TENM3: variants seen among roughly 807,000 people sequenced by gnomAD.
TENM3 encodes the protein teneurin transmembrane protein 3.
Under a neutral mutation model 255.1 loss-of-function variants are expected in TENM3, and 63 were observed. The observed-to-expected ratio is 0.25, with a 90% CI of 0.20 to 0.30. TENM3 has a LOEUF of 0.30. Among genes scored for constraint, TENM3 ranks in the 10% least tolerant of loss-of-function variants. The pLI, the probability that TENM3 is intolerant of heterozygous loss-of-function variation, is 1.00. For synonymous variants in TENM3, 1,306 were observed against 1,322.3 expected (o/e 0.99, Z 0.27); for missense variants, 2,929 against 3,461.1 (o/e 0.85, Z 3.86).
chr4:181,811,481 A>C, the TENM3 span, among the ~76,000 whole-genome samples: 1 of 152,216 alleles, frequency 6.6e-6, no homozygotes, highest in Non-Finnish European at 1.5e-5. Flanking sequence ...AAAGTAAAGA[A>C]AATGCATTTT....
chr4:182,525,215 T>C lies in TENM3; in HGVS notation c.512-75709T>C, dbSNP rs536181457. Among the ~76,000 whole-genome samples the C allele has an allele frequency of 3.0e-4, 45 of 152,316 alleles. 1 individual carries two copies. In the South Asian group the frequency reaches 8.3e-3, roughly 28 times the overall value. Reference sequence around the variant, plus strand: ...ACGAATTTAGTAGTCAGGAAATTTATGAAAGAATTGCCCATAGGGCTGTTC... The same window carrying C: ...ACGAATTTAGTAGTCAGGAAATTTACGAAAGAATTGCCCATAGGGCTGTTC... On this transcript the variant is annotated intron_variant, in intron 3 of 27. Transcript: ENST00000511685.
the TENM3 span, among the ~76,000 whole-genome samples, chr4:181,702,049 C>T: frequency 2.6e-5 from 4 of 152,150 alleles, no homozygotes; most frequent in African/African-American, 9.7e-5. Context: ...TCAGTGGGCA[C>T]TATGCAAATG....
the TENM3 span, among the ~76,000 whole-genome samples, chr4:181,466,882 A>AT: frequency 6.6e-6 from 1 of 151,610 alleles, no homozygotes; most frequent in South Asian, 2.1e-4. Context: ...CAGTACTTCT[A>AT]TTTTATCTAA....
the TENM3 span, among the ~76,000 whole-genome samples, chr4:181,938,771 C>T: frequency 1.1e-4 from 17 of 152,136 alleles, no homozygotes; most frequent in Non-Finnish European, 2.2e-4. Flanking sequence ...CAGTGAAATG[C>T]CACTGTGGTC....
intron 3 of TENM3, among the ~76,000 whole-genome samples, chr4:182,553,847 C>A (rs956676248): frequency 6.6e-6 from 1 of 152,150 alleles, no homozygotes; most frequent in African/African-American, 2.4e-5. Context: ...TTTTTAAGCC[C>A]TTTCACTTCA....
At chr4:182,777,543 A>ATTTTT (rs1561238758) in intron 24 of TENM3, among the ~76,000 whole-genome samples, 6 of 34,898 alleles carry the variant, frequency 1.7e-4, no homozygotes, top group African/African-American at 3.9e-4. Flanking sequence ...GTGTGTGTGT[A>ATTTTT]TTTCTTTTTT....
At chr4:182,444,717 ATAT>A (rs2151277444) in intron 3 of TENM3, among the ~76,000 whole-genome samples, 1 of 152,256 alleles carries the variant, frequency 6.6e-6, no homozygotes, top group South Asian at 2.1e-4. Context: ...TTTAAATGGA[ATAT>A]TATGTTTCCA....
At chr4:182,585,359 C>T (rs1745910182) in intron 3 of TENM3, among the ~76,000 whole-genome samples, 1 of 152,090 alleles carries the variant, frequency 6.6e-6, no homozygotes, top group Non-Finnish European at 1.5e-5. Flanking sequence ...CCCCAAAATT[C>T]AAATGTTGAC....
chr4:182,135,204 C>CAAAAAAAAA, the TENM3 span, among the ~76,000 whole-genome samples: 1 of 81,568 alleles, frequency 1.2e-5, no homozygotes, highest in Non-Finnish European at 2.1e-5. Flanking sequence ...GACTCGGTCT[C>CAAAAAAAAA]AAAAAAAAAA....
chr4:182,420,205 T>A (rs1444113796), intron 3 of TENM3, among the ~76,000 whole-genome samples: 1 of 152,232 alleles, frequency 6.6e-6, no homozygotes, highest in East Asian at 1.9e-4. Flanking sequence ...CTAATTCTCA[T>A]GGATATACAT....
chr4:182,594,370 A>G (rs1746971318), intron 3 of TENM3, among the ~76,000 whole-genome samples: 1 of 152,010 alleles, frequency 6.6e-6, no homozygotes, highest in Admixed American at 6.6e-5. Context: ...TCTACAAAAA[A>G]TTTAAAAATT....
At chr4:181,612,659 CTTTT>C in the TENM3 span, among the ~76,000 whole-genome samples, 1 of 152,048 alleles carries the variant, frequency 6.6e-6, no homozygotes, top group African/African-American at 2.4e-5. Context: ...TTTTCCTTTT[CTTTT>C]TTTCTTTTTA....
the TENM3 span, among the ~76,000 whole-genome samples, chr4:181,850,439 T>G: frequency 6.6e-6 from 1 of 152,122 alleles, no homozygotes; most frequent in South Asian, 2.1e-4. Context: ...TTTAAAATAT[T>G]TTTAAATGGC....
chr4:182,240,450 C>G (rs2150061029), upstream of TENM3, among the ~76,000 whole-genome samples: 1 of 152,298 alleles, frequency 6.6e-6, no homozygotes, highest in South Asian at 2.1e-4. Context: ...TCACTTTGAT[C>G]CCAGTCCCCT....
At chr4:181,491,261 G>A in the TENM3 span, among the ~76,000 whole-genome samples, 1 of 151,758 alleles carries the variant, frequency 6.6e-6, no homozygotes, top group Non-Finnish European at 1.5e-5. Context: ...GTTGGTTTTA[G>A]GCTTCTTTTT....
the TENM3 span, among the ~76,000 whole-genome samples, chr4:181,842,871 A>G: frequency 6.6e-6 from 1 of 152,214 alleles, no homozygotes; most frequent in African/African-American, 2.4e-5. Flanking sequence ...CTGCAGGATG[A>G]TAATTCAGAA....
the TENM3 span, among the ~76,000 whole-genome samples, chr4:181,568,212 G>A: frequency 1.4e-5 from 2 of 147,334 alleles, no homozygotes; most frequent in African/African-American, 5.0e-5. Context: ...TGCCCAGGCT[G>A]GAGTGCAGTG....
At chr4:182,145,085 G>A (rs1749853142) in intron 1 of TENM3, 1 of 152,218 alleles carries the variant, frequency 6.6e-6, no homozygotes, top group Admixed American at 6.5e-5. Context: ...CAGTGGGGGC[G>A]GGGAGGGGAG....
intron 4 of TENM3, among the ~76,000 whole-genome samples, chr4:182,616,319 T>G (rs1290974761): frequency 4.0e-5 from 6 of 150,298 alleles, no homozygotes; most frequent in African/African-American, 1.5e-4. Flanking sequence ...TTGCGATAGT[T>G]TACTGAGAAT....
Sources: gnomAD v4.1 joint callset for allele counts (sites outside exome capture counted in the v4.1 genomes callset) on GRCh38, gnomAD v4.1.1 for gene constraint, MANE v1.5 for transcripts, NCBI Gene and HGNC (gene_info 2026-07-23, HGNC 2026-07-21) for gene names.